The following RHOJ variants were observed in gnomAD, a reference collection of about 807,000 sequenced individuals.
The protein encoded by RHOJ is ras homolog family member J.
RHOJ carries 11 observed loss-of-function variants against 23.4 expected under a neutral mutation model. The ratio of observed to expected loss-of-function variants is 0.47; its 90% confidence interval spans 0.30 to 0.78. The LOEUF (loss-of-function observed/expected upper bound fraction) is 0.78. Ranked by LOEUF, RHOJ falls within the 30% of genes least tolerant of loss-of-function variation. The probability of loss-of-function intolerance (pLI) is 0.08; values close to 1 mark genes in which losing one functional copy is unlikely to be tolerated. For missense variants in RHOJ, 254 were observed against 273.4 expected (o/e 0.93, Z 0.50); for synonymous variants, 102 against 102.7 (o/e 0.99, Z 0.04).
At position 63,204,843 on chromosome 14, in the gene RHOJ, G is replaced by C; in HGVS notation, c.-27G>C. 1 of 1,595,608 alleles carries C rather than the reference G, an allele frequency of 6.3e-7. No individual in the cohort carries two copies. Among genetic ancestry groups the C allele is most frequent in the Non-Finnish European group, 8.5e-7 (1 of 1,170,624 alleles). ...AAAGCAGGAGAAGCAATAGCAGCAG[G>C]AGTCCCCAGCAGCTGGAGCCGCAAG... On this transcript the variant is annotated 5_prime_UTR_variant, in exon 1 of 5. Transcript: ENST00000316754.
intron 1 of RHOJ, among the ~76,000 whole-genome samples, chr14:63,208,037 G>C (rs1433597907): frequency 6.6e-6 from 1 of 152,198 alleles, no homozygotes; most frequent in African/African-American, 2.4e-5. Flanking sequence ...GTAGGATGGA[G>C]TGTATGTATT....
intron 1 of RHOJ, among the ~76,000 whole-genome samples, chr14:63,230,584 A>C (rs1394980043): frequency 6.6e-6 from 1 of 152,028 alleles, no homozygotes; most frequent in Non-Finnish European, 1.5e-5. Flanking sequence ...TCACGTTAGC[A>C]GCAAGATCTT....
intron 4 of RHOJ, among the ~76,000 whole-genome samples, chr14:63,284,588 C>A (rs768977204): frequency 1.3e-5 from 2 of 152,208 alleles, no homozygotes; most frequent in African/African-American, 2.4e-5. Context: ...AACTGTGTAT[C>A]TTTCCTTGGG....
At chr14:63,268,999 T>A in intron 1 of RHOJ, 111 bp from the exon 2 acceptor site, 1 of 738,560 alleles carries the variant, frequency 1.4e-6, no homozygotes, top group Non-Finnish European at 2.4e-6. Context: ...GCGAGGCATA[T>A]GCTTCTTCTT....
chr14:63,283,082 G>A lies in RHOJ; in HGVS notation c.403-39G>A, dbSNP rs766585772. 3 of 1,502,538 alleles carry A rather than the reference G, an allele frequency of 2.0e-6. No homozygotes were observed. The South Asian group carries it at 3.4e-5, about 17-fold the overall frequency. The allele number at this position is 1,502,538 out of a possible 1,614,324, so 93.1% of individuals were successfully genotyped here. On this transcript the variant is annotated intron_variant, in intron 3 of 4. Transcript: ENST00000316754. ...CAGTTTAAAATATCTGGCAAGGCCT[G>A]AGAAAACAAATAAGTTTTCACGTGT...
chr14:63,227,796 G>T (rs920892966), intron 1 of RHOJ, among the ~76,000 whole-genome samples: 8 of 152,184 alleles, frequency 5.3e-5, no homozygotes, highest in Non-Finnish European at 8.8e-5. Context: ...GACTGGCAAG[G>T]ATGTAGAAAA....
chr14:63,273,963 T>C (rs1191885138), intron 2 of RHOJ, among the ~76,000 whole-genome samples: 1 of 152,210 alleles, frequency 6.6e-6, no homozygotes, highest in Non-Finnish European at 1.5e-5. Context: ...GTCACCAGTG[T>C]CTGTGGGAGT....
intron 1 of RHOJ, among the ~76,000 whole-genome samples, chr14:63,242,827 C>T (rs1275661754): frequency 1.3e-5 from 2 of 152,128 alleles, no homozygotes; most frequent in East Asian, 3.9e-4. Flanking sequence ...ATGTTAAGGA[C>T]GGTAGTTCAA....
intron 1 of RHOJ, among the ~76,000 whole-genome samples, chr14:63,251,294 A>G (rs983809569): frequency 2.6e-5 from 4 of 152,196 alleles, no homozygotes; most frequent in Admixed American, 6.5e-5. Context: ...AAGTGTAAAG[A>G]AAAGAAGTAT....
At chr14:63,241,712 G>T (rs998896507) in intron 1 of RHOJ, among the ~76,000 whole-genome samples, 2 of 152,220 alleles carry the variant, frequency 1.3e-5, no homozygotes, top group Middle Eastern at 3.4e-3. Context: ...AGGCCTGCAG[G>T]GTATCTGAAG....
At chr14:63,236,701 C>G (rs1418079455) in intron 1 of RHOJ, among the ~76,000 whole-genome samples, 5 of 151,112 alleles carry the variant, frequency 3.3e-5, no homozygotes, top group African/African-American at 9.7e-5. Context: ...TAGTTACCAA[C>G]AAGTAGTGAA....
At chr14:63,260,224 G>A (rs1435347995) in intron 1 of RHOJ, among the ~76,000 whole-genome samples, 1 of 152,090 alleles carries the variant, frequency 6.6e-6, no homozygotes, top group African/African-American at 2.4e-5. Flanking sequence ...ATATTTTCTT[G>A]GTACCTTTGG....
chr14:63,247,295 A>G (rs1894993652), intron 1 of RHOJ, among the ~76,000 whole-genome samples: 1 of 152,216 alleles, frequency 6.6e-6, no homozygotes, highest in South Asian at 2.1e-4. Flanking sequence ...CTTCTAGAAC[A>G]GCACCTCCAG....
At chr14:63,262,462 A>G (rs751186309) in intron 1 of RHOJ, among the ~76,000 whole-genome samples, 24 of 152,234 alleles carry the variant, frequency 1.6e-4, no homozygotes, top group Non-Finnish European at 3.2e-4. Flanking sequence ...TTCATTTTAC[A>G]TACTTAACAG....
At position 63,292,372 on chromosome 14, in the gene RHOJ, A is replaced by G. The variant is rs1284830550; in HGVS notation, c.*1348A>G. ...GCTCCCAGTAAGGAATCCTGTGCCC[A>G]ATGATGTAAAACAATTCCAAACATC... On this transcript the variant is annotated 3_prime_UTR_variant, in exon 5 of 5. Coordinates refer to ENST00000316754, the MANE Select transcript of RHOJ (RefSeq NM_020663.5). The G allele has an allele frequency of 6.6e-6, 1 of 152,194 alleles. No homozygotes were observed. The highest frequency in any genetic ancestry group is 1.5e-5 in the Non-Finnish European group (1 of 68,032). 9.4% of individuals were successfully genotyped at this position (152,194 alleles called of 1,614,324 possible).
Position 63,222,765 on chromosome 14 carries a change from T to C in RHOJ, c.178+17718T>C, listed in dbSNP as rs536706641. On this transcript the variant is annotated intron_variant, in intron 1 of 4. Transcript: ENST00000316754. The stretch of plus-strand genomic sequence containing the variant: ...AGTAGATTGCAAAAATTTTCTCCCA[T>C]TCTGTAGGTTGCCTGTTCACTCTGA... 3.0e-3 allele frequency among the ~76,000 whole-genome samples: 458 copies of C among 152,268 alleles called. 7 individuals are homozygous for C. Among genetic ancestry groups the C allele is most frequent in the African/African-American group, 0.01 (430 of 41,546 alleles).
At chr14:63,212,025 T>G (rs1000771564) in intron 1 of RHOJ, among the ~76,000 whole-genome samples, 5 of 152,224 alleles carry the variant, frequency 3.3e-5, no homozygotes, top group African/African-American at 7.2e-5. Flanking sequence ...GAGCAGGTAT[T>G]CAAGTCAGTA....
At chr14:63,235,579 A>G (rs1172474621) in intron 1 of RHOJ, among the ~76,000 whole-genome samples, 1 of 152,196 alleles carries the variant, frequency 6.6e-6, no homozygotes, top group Non-Finnish European at 1.5e-5. Flanking sequence ...AATGGTTAAC[A>G]CTGCTGAATG....
rs1882268919 is a variant in RHOJ at position 63,292,069 on chromosome 14, G to A, written c.*1045G>A. 6.6e-6 allele frequency: 1 copy of A among 152,196 alleles called. No homozygotes were observed. The highest frequency in any genetic ancestry group is 1.5e-5 in the Non-Finnish European group (1 of 68,040). 9.4% of individuals were successfully genotyped at this position (152,196 alleles called of 1,614,324 possible). On this transcript the variant is annotated 3_prime_UTR_variant, in exon 5 of 5. Transcript: ENST00000316754. ...GAAAGATCTGAGCATAAAGATACGTGTTTAAAAATAACTAAAAGTAAAGGA... is the reference window on the plus strand; with the variant it reads ...GAAAGATCTGAGCATAAAGATACGTATTTAAAAATAACTAAAAGTAAAGGA...
Sources: gnomAD v4.1 joint callset for allele counts (sites outside exome capture counted in the v4.1 genomes callset) on GRCh38, gnomAD v4.1.1 for gene constraint, MANE v1.5 for transcripts, NCBI Gene and HGNC (gene_info 2026-07-23, HGNC 2026-07-21) for gene names.